MGAT4C: variants seen among roughly 807,000 people sequenced by gnomAD.
The protein encoded by MGAT4C is MGAT4 family member C, also known as alpha-1,3-mannosyl-glycoprotein 4-beta-N-acetylglucosaminyltransferase C.
Under a neutral mutation model 40.1 loss-of-function variants are expected in MGAT4C, and 19 were observed. The observed-to-expected ratio is 0.47, with a 90% CI of 0.33 to 0.70. MGAT4C has a LOEUF of 0.70. Ranked by LOEUF, MGAT4C falls within the 30% of genes least tolerant of loss-of-function variation. The probability of loss-of-function intolerance (pLI) is 0.02; values close to 1 mark genes in which losing one functional copy is unlikely to be tolerated. For missense variants in MGAT4C, 491 were observed against 563.2 expected (o/e 0.87, Z 1.30); for synonymous variants, 181 against 187.1 (o/e 0.97, Z 0.27).
intron 2 of MGAT4C, among the ~76,000 whole-genome samples, chr12:86,513,190 A>G (rs982746160): frequency 6.6e-6 from 1 of 152,158 alleles, no homozygotes; most frequent in African/African-American, 2.4e-5. Context: ...AACAGCAACT[A>G]TTATACTTAA....
At chr12:86,381,378 T>G (rs1435710466) in intron 3 of MGAT4C, among the ~76,000 whole-genome samples, 2 of 152,178 alleles carry the variant, frequency 1.3e-5, no homozygotes, top group Non-Finnish European at 2.9e-5. Context: ...TGGTGTAACT[T>G]TCAGTTTGAG....
At chr12:86,567,567 T>C (rs755954044) in intron 2 of MGAT4C, among the ~76,000 whole-genome samples, 2 of 152,076 alleles carry the variant, frequency 1.3e-5, no homozygotes, top group Non-Finnish European at 2.9e-5. Flanking sequence ...TTAAGGTCAA[T>C]GGGAAATTAC....
At chr12:86,026,127 A>T (rs1036492758) in intron 2 of MGAT4C, among the ~76,000 whole-genome samples, 54 of 151,882 alleles carry the variant, frequency 3.6e-4, no homozygotes, top group Non-Finnish European at 5.6e-4. Flanking sequence ...GTAAGTGTCC[A>T]AGTCCTATTC....
At chr12:86,696,082 C>T (rs938566008) in intron 2 of MGAT4C, among the ~76,000 whole-genome samples, 2 of 151,636 alleles carry the variant, frequency 1.3e-5, no homozygotes, top group Non-Finnish European at 2.9e-5. Flanking sequence ...CGTGGTGGTG[C>T]GCACCTGTAT....
intron 2 of MGAT4C, among the ~76,000 whole-genome samples, chr12:86,595,462 C>T (rs779709205): frequency 4.0e-5 from 6 of 150,638 alleles, no homozygotes; most frequent in East Asian, 2.0e-4. Context: ...ATCCGTGAGG[C>T]GGAGGTTGCA....
At chr12:86,381,216 G>A (rs1223028128) in intron 3 of MGAT4C, among the ~76,000 whole-genome samples, 1 of 151,980 alleles carries the variant, frequency 6.6e-6, no homozygotes, top group Admixed American at 6.6e-5. Flanking sequence ...TGACAGGATA[G>A]ATTAAAAAAA....
chr12:86,765,929 A>G (rs1951498164), intron 1 of MGAT4C, among the ~76,000 whole-genome samples: 1 of 152,214 alleles, frequency 6.6e-6, no homozygotes, highest in Non-Finnish European at 1.5e-5. Context: ...AAATGTAAAG[A>G]CCATCAAGAC....
chr12:86,508,238 G>A (rs558384434), intron 2 of MGAT4C, among the ~76,000 whole-genome samples: 48 of 151,722 alleles, frequency 3.2e-4, no homozygotes, highest in African/African-American at 6.5e-4. Context: ...TCCCCAGAGC[G>A]TGACGTTCCC....
chr12:86,756,340 C>T (rs1328334341), intron 1 of MGAT4C, among the ~76,000 whole-genome samples: 1 of 152,090 alleles, frequency 6.6e-6, no homozygotes, highest in African/African-American at 2.4e-5. Context: ...GCCTACACAA[C>T]CTCATCTAAC....
intron 4 of MGAT4C, among the ~76,000 whole-genome samples, chr12:86,288,762 G>A (rs896122386): frequency 2.0e-5 from 3 of 152,002 alleles, no homozygotes; most frequent in Non-Finnish European, 4.4e-5. Flanking sequence ...TAATGGGGTT[G>A]TTTTTCCCTT....
intron 2 of MGAT4C, among the ~76,000 whole-genome samples, chr12:86,020,715 C>G (rs1889621720): frequency 6.6e-6 from 1 of 152,142 alleles, no homozygotes; most frequent in Non-Finnish European, 1.5e-5. Context: ...GCAATGGCAA[C>G]AAAAGCCAAC....
At chr12:86,482,439 T>A (rs1957953623) in intron 2 of MGAT4C, among the ~76,000 whole-genome samples, 1 of 152,052 alleles carries the variant, frequency 6.6e-6, no homozygotes, top group Admixed American at 6.6e-5. Context: ...CACATTTTTA[T>A]TTTTAATTAT....
At chr12:86,068,400 T>C (rs1000143380) in intron 1 of MGAT4C, 6 of 152,034 alleles carry the variant, frequency 3.9e-5, no homozygotes, top group African/African-American at 1.4e-4. Context: ...TCATTCATTA[T>C]GTTACTAATG....
chr12:86,358,457 G>A (rs530470034), intron 3 of MGAT4C, among the ~76,000 whole-genome samples: 102 of 152,176 alleles, frequency 6.7e-4, no homozygotes, highest in African/African-American at 2.4e-3. Flanking sequence ...ATAATGACAG[G>A]ATCAAATTCA....
intron 1 of MGAT4C, among the ~76,000 whole-genome samples, chr12:86,774,380 G>GTC (rs1331653153): frequency 1.7e-4 from 9 of 52,368 alleles, no homozygotes; most frequent in Non-Finnish European, 2.3e-4. Flanking sequence ...CTTTCTGTCT[G>GTC]TCTCTCTCTC....
chr12:86,290,859 A>T (rs1307059159), intron 4 of MGAT4C, among the ~76,000 whole-genome samples: 1 of 152,198 alleles, frequency 6.6e-6, no homozygotes, highest in Non-Finnish European at 1.5e-5. Context: ...TGTTACTATT[A>T]TTGACAGTTT....
intron 4 of MGAT4C, among the ~76,000 whole-genome samples, chr12:86,333,010 C>G (rs377129104): frequency 4.5e-4 from 69 of 152,274 alleles, no homozygotes; most frequent in African/African-American, 1.6e-3. Context: ...CATCCAATAG[C>G]ATGAGTCTGA....
At chr12:86,099,430 T>C (rs1426040643) in intron 1 of MGAT4C, among the ~76,000 whole-genome samples, 1 of 151,006 alleles carries the variant, frequency 6.6e-6, no homozygotes, top group East Asian at 1.9e-4. Context: ...TTTTCTTTTT[T>C]ATTTATTATA....
chr12:86,128,116 T>C (rs73387114), intron 1 of MGAT4C, among the ~76,000 whole-genome samples: 17,047 of 152,122 alleles, frequency 0.11, 2,056 homozygotes, highest in African/African-American at 0.3. Flanking sequence ...AGCCAACACA[T>C]GAGGAATGCT....
Sources: gnomAD v4.1 joint callset for allele counts (sites outside exome capture counted in the v4.1 genomes callset) on GRCh38, gnomAD v4.1.1 for gene constraint, MANE v1.5 for transcripts, NCBI Gene and HGNC (gene_info 2026-07-23, HGNC 2026-07-21) for gene names.